The following BICD1 variants were observed in gnomAD, a reference collection of about 807,000 sequenced individuals.
BICD1 encodes the protein protein bicaudal D homolog 1.
A neutral mutation model predicts 92.5 loss-of-function variants in BICD1; 35 were observed. That is an observed-to-expected ratio of 0.38 (90% CI 0.29 to 0.50). The LOEUF (loss-of-function observed/expected upper bound fraction) is 0.50, where lower values mean the gene tolerates loss of function less well. BICD1 is among the 20% of genes least tolerant of loss of function. BICD1 has a pLI of 0.93. For synonymous variants in BICD1, 429 were observed against 465.1 expected, an observed-to-expected ratio of 0.92 and a Z score of 1.00; for missense variants, 950 against 1,189.8, an observed-to-expected ratio of 0.80 and a Z score of 2.97.
intron 1 of BICD1, among the ~76,000 whole-genome samples, chr12:32,171,533 G>A (rs777835446): frequency 6.6e-6 from 1 of 152,146 alleles, no homozygotes. Context: ...CTCAGTTGGG[G>A]CACCTTGTCT....
intron 4 of BICD1, among the ~76,000 whole-genome samples, chr12:32,316,880 G>A (rs561526086): frequency 9.9e-5 from 15 of 151,790 alleles, no homozygotes; most frequent in South Asian, 4.2e-4. Flanking sequence ...AACAGTCCCC[G>A]GTGTGTGATG....
At chr12:32,116,298 G>C (rs554060311) in intron 1 of BICD1, among the ~76,000 whole-genome samples, 1 of 152,016 alleles carries the variant, frequency 6.6e-6, no homozygotes, top group South Asian at 2.1e-4. Context: ...GTTTTGCCTA[G>C]TTGCAGTAAT....
At chr12:32,151,010 A>G (rs376480674) in intron 1 of BICD1, among the ~76,000 whole-genome samples, 1 of 152,192 alleles carries the variant, frequency 6.6e-6, no homozygotes, top group African/African-American at 2.4e-5. Flanking sequence ...AAATACTTGA[A>G]AAAAATGTAG....
At chr12:32,332,612 C>A in intron 5 of BICD1, 1 of 301,240 alleles carries the variant, frequency 3.3e-6, no homozygotes, top group Non-Finnish European at 4.9e-6. Flanking sequence ...AATTACAGTT[C>A]AACGTTACAC....
intron 8 of BICD1, among the ~76,000 whole-genome samples, chr12:32,346,593 TATATATATATATATATATAC>T (rs1938613359): frequency 1.9e-4 from 3 of 16,082 alleles, no homozygotes; most frequent in South Asian, 4.5e-3. Context: ...CGTGTATATA[TATATATATATATATATATAC>T]GTGTATATAT....
At chr12:32,139,943 T>A (rs189577173) in intron 1 of BICD1, among the ~76,000 whole-genome samples, 1 of 152,216 alleles carries the variant, frequency 6.6e-6, no homozygotes, top group East Asian at 1.9e-4. Flanking sequence ...TAAGGTCTTA[T>A]ACCAGCCGAG....
rs261897 is a variant in BICD1, at chr12:32,313,541, C to G, written c.1005+7419C>G. Among the ~76,000 whole-genome samples the G allele has an allele frequency of 0.61, 92,856 of 151,932 alleles. 28,923 individuals carry two copies. Among genetic ancestry groups the G allele is most frequent in the Middle Eastern group, 0.72 (212 of 294 alleles). The stretch of plus-strand genomic sequence containing the variant: ...AAGTGAAATATTATCTCTGCTTAAA[C>G]ACTCACAGAATATTTATAGGATGAC... On this transcript the variant is annotated intron_variant, in intron 4 of 9. Transcript: ENST00000652176. The surrounding 1 kb of genome is among the most constrained non-coding windows in gnomAD (Gnocchi z 4.2).
intron 9 of BICD1, among the ~76,000 whole-genome samples, chr12:32,374,814 C>T (rs1275960632): frequency 6.9e-6 from 1 of 144,318 alleles, no homozygotes. Context: ...CTTGAACTCC[C>T]AACCACAGGT....
intron 4 of BICD1, among the ~76,000 whole-genome samples, chr12:32,317,063 T>C (rs1230115097): frequency 6.6e-6 from 1 of 152,222 alleles, no homozygotes; most frequent in Non-Finnish European, 1.5e-5. Flanking sequence ...TGCATAGTAT[T>C]CCATGGTGTA....
intron 2 of BICD1, among the ~76,000 whole-genome samples, chr12:32,227,186 C>T (rs749618664): frequency 2.2e-4 from 34 of 152,180 alleles, no homozygotes; most frequent in Admixed American, 1.1e-3. Flanking sequence ...ACGGGGAGCA[C>T]GGCTGAGCAG....
chr12:32,133,377 A>G (rs2121315031), intron 1 of BICD1, among the ~76,000 whole-genome samples: 1 of 151,844 alleles, frequency 6.6e-6, no homozygotes, highest in African/African-American at 2.4e-5. Flanking sequence ...AATCCTAGCT[A>G]CTCGGGAGGT....
intron 2 of BICD1, among the ~76,000 whole-genome samples, chr12:32,239,917 A>T (rs193269496): frequency 6.6e-6 from 1 of 152,086 alleles, no homozygotes; most frequent in Non-Finnish European, 1.5e-5. Context: ...CCACTCAAGC[A>T]TTTTTTAATT....
At chr12:32,250,750 G>A (rs1183102142) in intron 2 of BICD1, among the ~76,000 whole-genome samples, 2 of 152,160 alleles carry the variant, frequency 1.3e-5, no homozygotes, top group East Asian at 3.8e-4. Context: ...GGAGGCTGAG[G>A]TGGGCGGATC....
intron 1 of BICD1, among the ~76,000 whole-genome samples, chr12:32,199,037 C>T (rs1468787590): frequency 6.6e-6 from 1 of 152,050 alleles, no homozygotes; most frequent in Non-Finnish European, 1.5e-5. Flanking sequence ...TTGGGTAGAA[C>T]TGAGAGAGAT....
chr12:32,300,631 ATT>A lies in BICD1; in HGVS notation c.580-5038_580-5037del, dbSNP rs34219566. Among the ~76,000 whole-genome samples the A allele has an allele frequency of 6.5e-3, 526 of 80,366 alleles. 1 individual carries two copies. Among genetic ancestry groups the A allele is most frequent in the African/African-American group, 9.2e-3 (234 of 25,446 alleles). 52.7% of individuals were successfully genotyped at this position (80,366 alleles called of 152,430 possible). ...GTTGAGAGGAAGATGACTTTACAGT[ATT>A]TTTTTTTTTTTTTTTTTTTTTTTTT... On this transcript the variant is annotated intron_variant, in intron 3 of 9. Coordinates refer to ENST00000652176, the MANE Select transcript of BICD1 (RefSeq NM_001714.4).
chr12:32,270,012 C>A (rs139082148), intron 2 of BICD1, among the ~76,000 whole-genome samples: 1 of 151,620 alleles, frequency 6.6e-6, no homozygotes, highest in African/African-American at 2.4e-5. Context: ...GTCCCAGCTA[C>A]TCGGGAGGCC....
chr12:32,373,904 A>C (rs1428516150), intron 9 of BICD1, among the ~76,000 whole-genome samples: 2 of 151,526 alleles, frequency 1.3e-5, no homozygotes, highest in Non-Finnish European at 2.9e-5. Context: ...ATTGGATTAC[A>C]CAAGGTCTTC....
chr12:32,171,503 G>T (rs1943935428), intron 1 of BICD1, among the ~76,000 whole-genome samples: 2 of 152,190 alleles, frequency 1.3e-5, no homozygotes, highest in African/African-American at 4.8e-5. Context: ...AGCCTTCAGG[G>T]CGTTCTTCTT....
intron 1 of BICD1, among the ~76,000 whole-genome samples, chr12:32,209,192 T>G (rs1945145055): frequency 6.6e-6 from 1 of 152,176 alleles, no homozygotes; most frequent in Non-Finnish European, 1.5e-5. Flanking sequence ...AACTCTCAAA[T>G]TCCATGCCTT....
Sources: allele counts gnomAD v4.1 joint callset (sites outside exome capture counted in the v4.1 genomes callset), GRCh38; gene constraint gnomAD v4.1.1; non-coding constraint Gnocchi (gnomAD v3.1); transcripts MANE v1.5; gene names NCBI Gene and HGNC (gene_info 2026-07-23, HGNC 2026-07-21).